ZNF777: variants seen among roughly 807,000 people sequenced by gnomAD.
The protein encoded by ZNF777 is zinc finger protein 777.
A neutral mutation model predicts 72.1 loss-of-function variants in ZNF777; 7 were observed. The observed-to-expected ratio is 0.10, with a 90% CI of 0.06 to 0.18. The LOEUF is 0.18. Among genes scored for constraint, ZNF777 ranks in the 10% least tolerant of loss-of-function variants. The pLI, the probability that ZNF777 is intolerant of heterozygous loss-of-function variation, is 1.00. For missense variants in ZNF777, 828 were observed against 1,128.6 expected, an observed-to-expected ratio of 0.73 and a Z score of 3.82; for synonymous variants, 545 against 483.5, an observed-to-expected ratio of 1.13 and a Z score of -1.67.
intron 4 of ZNF777, among the ~76,000 whole-genome samples, chr7:149,440,961 G>C (rs1351834496): frequency 6.6e-6 from 1 of 152,106 alleles, no homozygotes; most frequent in Non-Finnish European, 1.5e-5. Context: ...AGTGCTCTCA[G>C]CTGGACGTAG....
chr7:149,442,386 G>A (rs893470182), intron 4 of ZNF777, among the ~76,000 whole-genome samples: 1 of 151,876 alleles, frequency 6.6e-6, no homozygotes, highest in Admixed American at 6.6e-5. Flanking sequence ...GGGAGGCCAA[G>A]GTAGGTGGAT....
At chr7:149,459,561 G>A (rs1392090810) in intron 1 of ZNF777, 1 of 906,318 alleles carries the variant, frequency 1.1e-6, no homozygotes, top group African/African-American at 1.8e-5. Context: ...CCCTCACCCA[G>A]GGGCGGCCGC....
chr7:149,437,075 T>TAA (rs112620793), intron 4 of ZNF777, among the ~76,000 whole-genome samples: 1 of 151,346 alleles, frequency 6.6e-6, no homozygotes, highest in Non-Finnish European at 1.5e-5. Flanking sequence ...GCTCCATAAT[T>TAA]AAAAAAAAAT....
At chr7:149,459,858 G>A (rs1437077102) in intron 1 of ZNF777, 107 of 984,234 alleles carry the variant, frequency 1.1e-4, no homozygotes, top group Non-Finnish European at 1.3e-4. Flanking sequence ...CGCGCCTCCG[G>A]GCGCCCCACC....
In ZNF777 at chr7:149,460,597, G is replaced by A. The variant is rs993115414; in HGVS notation, c.-16+218C>T. Among the ~76,000 whole-genome samples the A allele has an allele frequency of 2.0e-5, 3 of 152,050 alleles. No individual in the cohort carries two copies. The highest frequency in any genetic ancestry group is 7.2e-5 in the African/African-American group (3 of 41,438). On this transcript the variant is annotated intron_variant, in intron 1 of 5. Coordinates refer to ENST00000247930, the MANE Select transcript of ZNF777 (RefSeq NM_015694.3). The surrounding 1 kb of genome is among the most constrained non-coding windows in gnomAD (Gnocchi z 6.1). ...CCATGTTGCTACAAACTGCATCCTG[G>A]GAGGCATGTCCCTCTCAGGCCGTTT...
intron 5 of ZNF777, among the ~76,000 whole-genome samples, chr7:149,434,382 G>GA (rs753513122): frequency 6.6e-6 from 1 of 152,134 alleles, no homozygotes; most frequent in Non-Finnish European, 1.5e-5. Context: ...GTAGTGTTAG[G>GA]ATTCTCAGCA....
In ZNF777 at chr7:149,460,185, C is replaced by T; in HGVS notation, c.-16+630G>A. 1 of 801,766 alleles carries T rather than the reference C, an allele frequency of 1.2e-6. No individual in the cohort carries two copies. The allele number at this position is 801,766 out of a possible 1,614,324, so 49.7% of individuals were successfully genotyped here. A position where few individuals can be genotyped will look rare whatever the true frequency, so the allele number is the denominator to read the frequency against. On this transcript the variant is annotated intron_variant, in intron 1 of 5. Coordinates refer to ENST00000247930, the MANE Select transcript of ZNF777 (RefSeq NM_015694.3). The surrounding 1 kb of genome is among the most constrained non-coding windows in gnomAD (Gnocchi z 6.1). ...CCGGCCCGGGCCCCCGGAGTCGCCG[C>T]CGCTACTGCCGCCGCCGCTACTGCG...
intron 1 of ZNF777, chr7:149,459,704 T>G (rs1472556522): frequency 1.0e-6 from 1 of 984,990 alleles, no homozygotes; most frequent in South Asian, 4.7e-5. Flanking sequence ...CAGGTGTCTG[T>G]GCCTCAGTGT....
rs546023534 is a variant in ZNF777 at position 149,431,562 on chromosome 7, G to A, written c.*214C>T. ...GCCCGAAAGGGTTCCCCAGGTCCGC[G>A]CCCTCCCCCCTGGGGCCCCCGGGGA... On this transcript the variant is annotated 3_prime_UTR_variant, in exon 6 of 6. Coordinates refer to ENST00000247930, the MANE Select transcript of ZNF777 (RefSeq NM_015694.3). 12 of 473,198 alleles carry A rather than the reference G, an allele frequency of 2.5e-5. No individual in the cohort carries two copies. Among genetic ancestry groups the A allele is most frequent in the Non-Finnish European group, 4.4e-5 (11 of 249,066 alleles). The allele number at this position is 473,198 out of a possible 1,614,324, so 29.3% of individuals were successfully genotyped here.
At chr7:149,442,941 ACATTCT>A (rs1335565553) in intron 4 of ZNF777, among the ~76,000 whole-genome samples, 2 of 152,198 alleles carry the variant, frequency 1.3e-5, no homozygotes, top group Non-Finnish European at 2.9e-5. Context: ...GTAGAAACAA[ACATTCT>A]CATGCTTAGA....
Position 149,432,162 on chromosome 7 carries a change from T to C in ZNF777, c.2110A>G (p.Ser704Gly), listed in dbSNP as rs1799319470. The C allele has an allele frequency of 6.2e-7, 1 of 1,604,918 alleles. No individual in the cohort carries two copies. Among genetic ancestry groups the C allele is most frequent in the Non-Finnish European group, 8.5e-7 (1 of 1,179,878 alleles). Residue 704 changes from serine to glycine, a missense_variant, in exon 6 of 6, where the codon AGC (serine) becomes GGC (glycine). Around this residue, in one of 12 missense-constraint regions of ZNF777, gnomAD observed 24 missense variants for 23.3 expected, o/e 1.03. Coordinates refer to ENST00000247930, the MANE Select transcript of ZNF777 (RefSeq NM_015694.3). The stretch of plus-strand genomic sequence containing the variant: ...TGGCGCAGCAGGTGCGAGGGGCGGC[T>C]GAAGCTCTTGCCGCACAGGCTGCAG... ...FICSLCGKSF[S>G]RPSHLLRHQR... is the part of the protein sequence containing the mutation.
intron 4 of ZNF777, among the ~76,000 whole-genome samples, chr7:149,442,274 TACACAC>T (rs148217571): frequency 0.012 from 1,603 of 138,554 alleles, 23 homozygotes; most frequent in African/African-American, 0.035. Context: ...AAACTGCTAT[TACACAC>T]ACACACACAC....
chr7:149,435,225 C>T (rs552684443), intron 5 of ZNF777, among the ~76,000 whole-genome samples: 2 of 152,256 alleles, frequency 1.3e-5, no homozygotes, highest in East Asian at 1.9e-4. Context: ...GGCTGGAGTG[C>T]AGTGATACAA....
intron 1 of ZNF777, chr7:149,459,998 C>A (rs1252682479): frequency 1.0e-6 from 1 of 963,162 alleles, no homozygotes; most frequent in Non-Finnish European, 1.2e-6. Flanking sequence ...CCCCACCCCC[C>A]GCGCCAACGT....
In ZNF777 at chr7:149,432,497, T is replaced by C; in HGVS notation, c.1775A>G (p.His592Arg). Residue 592 changes from histidine (H) to arginine (R), a missense_variant, in exon 6 of 6, where the codon CAC (histidine) becomes CGC (arginine). Around this residue, in one of 12 missense-constraint regions of ZNF777, gnomAD observed 100 missense variants for 106.2 expected, o/e 0.94. Coordinates refer to ENST00000247930, the MANE Select transcript of ZNF777 (RefSeq NM_015694.3). ...SFRHKQQLTLHQRIHRVRGGC... is the reference protein window; with the variant it reads ...SFRHKQQLTLRQRIHRVRGGC... ...TCCGCGCACGCGGTGGATGCGCTGGTGCAGCGTGAGCTGTTGCTTGTGCCG... is the reference window on the plus strand; with the variant it reads ...TCCGCGCACGCGGTGGATGCGCTGGCGCAGCGTGAGCTGTTGCTTGTGCCG... 6.2e-7 allele frequency: 1 copy of C among 1,613,856 alleles called. No individual in the cohort carries two copies. The highest frequency in any genetic ancestry group is 8.5e-7 in the Non-Finnish European group (1 of 1,179,850).
intron 4 of ZNF777, among the ~76,000 whole-genome samples, chr7:149,438,944 C>T (rs917028515): frequency 3.9e-5 from 6 of 152,128 alleles, no homozygotes; most frequent in Admixed American, 3.9e-4. Context: ...ACCTTTGATT[C>T]CCTCAGAACT....
intron 3 of ZNF777, among the ~76,000 whole-genome samples, chr7:149,453,044 C>T (rs2116602615): frequency 6.6e-6 from 1 of 152,304 alleles, no homozygotes; most frequent in South Asian, 2.1e-4. Flanking sequence ...ACTCTCTATC[C>T]CCCTACATTA....
rs189959281 is a variant in ZNF777 at position 149,453,456 on chromosome 7, T to C, written c.973+655A>G. Among the ~76,000 whole-genome samples the C allele has an allele frequency of 2.5e-4, 38 of 152,302 alleles. No homozygotes were observed. The East Asian group carries it at 6.2e-3, about 25-fold the overall frequency. ...TCCATATCAGAGAAACAGATATATA[T>C]ACACACACACATATATATATGTAAG... On this transcript the variant is annotated intron_variant, in intron 3 of 5. Coordinates refer to ENST00000247930, the MANE Select transcript of ZNF777 (RefSeq NM_015694.3).
chr7:149,452,266 AAAACAAAC>A (rs925902849), intron 3 of ZNF777, among the ~76,000 whole-genome samples: 24 of 92,548 alleles, frequency 2.6e-4, no homozygotes, highest in African/African-American at 1.0e-3. Context: ...CTCCGTCTCA[AAAACAAAC>A]AAACAAACAA....
Sources: allele counts gnomAD v4.1 joint callset (sites outside exome capture counted in the v4.1 genomes callset), GRCh38; gene constraint gnomAD v4.1.1; regional missense constraint gnomAD v4.1.1; non-coding constraint Gnocchi (gnomAD v3.1); transcripts MANE v1.5; gene names NCBI Gene and HGNC (gene_info 2026-07-23, HGNC 2026-07-21).